Variants in CCDC57 observed in about 807,000 individuals in gnomAD.
CCDC57 encodes the protein coiled-coil domain containing 57.
CCDC57 carries 118 observed loss-of-function variants against 118.9 expected under a neutral mutation model. The observed-to-expected ratio is 0.99, with a 90% CI of 0.86 to 1.16. The LOEUF (loss-of-function observed/expected upper bound fraction) is 1.16. Ranked by LOEUF, CCDC57 falls within the 50% of genes most tolerant of loss-of-function variation. The pLI is 0.00. For missense variants in CCDC57, 1,300 were observed against 1,320.7 expected (o/e 0.98, Z 0.24); for synonymous variants, 527 against 532.9 (o/e 0.99, Z 0.15).
rs186085954 is a variant in CCDC57 at position 82,103,904 on chromosome 17, C to G, written c.2900-2038G>C. Among the ~76,000 whole-genome samples, 1,516 of 152,216 alleles carry G rather than the reference C, an allele frequency of 1.0e-2. 23 individuals carry two copies. The highest frequency in any genetic ancestry group is 0.035 in the African/African-American group (1,450 of 41,522). On this transcript the variant is annotated intron_variant, in intron 19 of 19. Transcript: ENST00000665763. ...CAGGCCGGCCCCTAGCTCAGAATAT[C>G]CACTTTACAGGCTCTGGTTTCTTCA... is the stretch of plus-strand genomic sequence containing the variant.
Position 82,134,072 on chromosome 17 carries a change from C to T in CCDC57, c.2577+1G>A. On this transcript the variant is annotated splice_donor_variant, in intron 17 of 19. Coordinates refer to ENST00000665763, the Ensembl canonical transcript of CCDC57. LOFTEE classifies it high-confidence loss of function. ...GCATGTCTTAGATGAAGGGGTGTTA[C>T]CTGAGATGTAAAATGGGGCTGCACC... 1 of 1,402,384 alleles carries T rather than the reference C, an allele frequency of 7.1e-7. No homozygotes were observed. The highest frequency in any genetic ancestry group is 1.9e-4 in the Middle Eastern group (1 of 5,378). The allele number at this position is 1,402,384 out of a possible 1,614,324, so 86.9% of individuals were successfully genotyped here. A position where few individuals can be genotyped will look rare whatever the true frequency, so the allele number is the denominator to read the frequency against.
At chr17:82,208,614 T>C (rs570631790) in intron 1 of CCDC57, among the ~76,000 whole-genome samples, 78 of 152,264 alleles carry the variant, frequency 5.1e-4, no homozygotes, top group African/African-American at 1.6e-3. Context: ...GGGTGGCTCA[T>C]TCACTTTGTA....
chr17:82,106,765 T>C (rs915810332), intron 19 of CCDC57, among the ~76,000 whole-genome samples: 5 of 152,148 alleles, frequency 3.3e-5, no homozygotes, highest in Non-Finnish European at 5.9e-5. Context: ...AGACGACTCG[T>C]GGTCTCTGTT....
At chr17:82,174,992 G>T (rs1261134275) in intron 11 of CCDC57, among the ~76,000 whole-genome samples, 1 of 152,188 alleles carries the variant, frequency 6.6e-6, no homozygotes, top group African/African-American at 2.4e-5. Flanking sequence ...ACTCGCCTGG[G>T]TACAACAACA....
intron 16 of CCDC57, among the ~76,000 whole-genome samples, chr17:82,149,773 TGGCCCGCACCCAGAACCA>T (rs1488776555): frequency 6.2e-5 from 8 of 128,684 alleles, no homozygotes; most frequent in African/African-American, 2.4e-4. Flanking sequence ...ACCCAGAACC[TGGCCCGCACCCAGAACCA>T]GGCGCACACC....
chr17:82,148,628 A>G (rs1396905602), intron 16 of CCDC57, among the ~76,000 whole-genome samples: 2 of 72,924 alleles, frequency 2.7e-5, no homozygotes, highest in Non-Finnish European at 2.5e-5. Flanking sequence ...GAGTAGATGG[A>G]TAGATGGATG....
intron 13 of CCDC57, among the ~76,000 whole-genome samples, chr17:82,166,481 C>T (rs1476387766): frequency 1.3e-5 from 2 of 151,990 alleles, no homozygotes; most frequent in Non-Finnish European, 2.9e-5. Context: ...TGCCGTTGCA[C>T]TCCAGCGTGG....
At chr17:82,134,153 G>T in exon 17 of CCDC57, 1 of 1,366,560 alleles carries the variant, frequency 7.3e-7, no homozygotes, top group African/African-American at 1.5e-5. Context: ...CCTGGCTTCC[G>T]GGCCTCAGGG....
At chr17:82,135,875 A>G (rs1326846682) in intron 16 of CCDC57, among the ~76,000 whole-genome samples, 1 of 152,186 alleles carries the variant, frequency 6.6e-6, no homozygotes, top group Non-Finnish European at 1.5e-5. Context: ...CGTGGGCAAC[A>G]CAGTGAGATC....
intron 19 of CCDC57, among the ~76,000 whole-genome samples, chr17:82,110,772 C>G (rs1000593761): frequency 1.3e-5 from 2 of 152,014 alleles, no homozygotes; most frequent in Non-Finnish European, 2.9e-5. Flanking sequence ...CGCCTGTAAT[C>G]CCAGTACTTT....
chr17:82,199,009 A>AT (rs2048657481), intron 3 of CCDC57, among the ~76,000 whole-genome samples: 1 of 109,916 alleles, frequency 9.1e-6, no homozygotes, highest in Non-Finnish European at 1.9e-5. Flanking sequence ...AAAAAAAAAA[A>AT]GAAAAAGGAA....
intron 19 of CCDC57, among the ~76,000 whole-genome samples, chr17:82,102,894 AAAAAAC>A (rs1181760937): frequency 6.6e-6 from 1 of 151,716 alleles, no homozygotes; most frequent in African/African-American, 2.4e-5. Context: ...TCAAAAAAAA[AAAAAAC>A]AAAAAAAACC....
intron 16 of CCDC57, among the ~76,000 whole-genome samples, chr17:82,138,720 C>CGGAAGAGACGCG (rs1269427481): frequency 9.2e-5 from 8 of 87,180 alleles, no homozygotes; most frequent in South Asian, 3.4e-4. Context: ...CTGCCCCGGG[C>CGGAAGAGACGCG]TGTGTGTGTC....
chr17:82,125,896 C>G (rs1266251475), intron 19 of CCDC57, among the ~76,000 whole-genome samples: 4 of 152,132 alleles, frequency 2.6e-5, no homozygotes, highest in African/African-American at 9.7e-5. Flanking sequence ...GCACATGGAA[C>G]ATTTAGCACC....
exon 15 of CCDC57, chr17:82,157,918 G>A: frequency 6.4e-7 from 1 of 1,560,722 alleles, no homozygotes; most frequent in South Asian, 1.2e-5. Context: ...TCACGCTGGA[G>A]AGCGGCCGGC....
At chr17:82,148,621 T>G in intron 16 of CCDC57, among the ~76,000 whole-genome samples, 1 of 70,250 alleles carries the variant, frequency 1.4e-5, no homozygotes, top group Non-Finnish European at 2.6e-5. Flanking sequence ...GGTGGGTGAG[T>G]AGATGGATAG....
intron 3 of CCDC57, among the ~76,000 whole-genome samples, chr17:82,199,851 G>A (rs1322929199): frequency 6.6e-6 from 1 of 152,146 alleles, no homozygotes; most frequent in Non-Finnish European, 1.5e-5. Flanking sequence ...TGGCACACGG[G>A]TGTCTACCAC....
intron 9 of CCDC57, among the ~76,000 whole-genome samples, chr17:82,183,402 C>A (rs2046446169): frequency 6.6e-6 from 1 of 152,056 alleles, no homozygotes; most frequent in Non-Finnish European, 1.5e-5. Flanking sequence ...CCAGGCTGGT[C>A]TCCAACTCCT....
At chr17:82,134,815 C>T (rs537939163) in intron 16 of CCDC57, among the ~76,000 whole-genome samples, 2 of 151,822 alleles carry the variant, frequency 1.3e-5, no homozygotes, top group Non-Finnish European at 2.9e-5. Context: ...ACAAAAGAAG[C>T]AAAAGCTTAA....
Sources: allele counts gnomAD v4.1 joint callset (sites outside exome capture counted in the v4.1 genomes callset), GRCh38; gene constraint gnomAD v4.1.1; transcripts MANE v1.5; gene names NCBI Gene and HGNC (gene_info 2026-07-23, HGNC 2026-07-21).